ALK: variants seen among roughly 807,000 people sequenced by gnomAD.
ALK encodes the protein ALK tyrosine kinase receptor.
A neutral mutation model predicts 163.1 loss-of-function variants in ALK; 74 were observed. The ratio of observed to expected loss-of-function variants is 0.45; its 90% CI spans 0.38 to 0.55. The LOEUF is 0.55. Ranked by LOEUF, ALK falls within the 20% of genes least tolerant of loss-of-function variation. The pLI is 0.00. For synonymous variants in ALK, 960 were observed against 843.2 expected (o/e 1.14, Z -2.40); for missense variants, 2,063 against 2,105.3 (o/e 0.98, Z 0.39).
chr2:29,201,514 G>A (rs960584641), intron 26 of ALK, among the ~76,000 whole-genome samples: 3 of 152,088 alleles, frequency 2.0e-5, no homozygotes, highest in African/African-American at 4.8e-5. Context: ...GAGGCCGGGC[G>A]CTGTGGCTCA....
At chr2:29,384,187 T>C (rs568223531) in intron 4 of ALK, among the ~76,000 whole-genome samples, 1 of 152,340 alleles carries the variant, frequency 6.6e-6, no homozygotes, top group South Asian at 2.1e-4. Context: ...ATATATATAG[T>C]TGAGAAAACC....
intron 3 of ALK, among the ~76,000 whole-genome samples, chr2:29,649,570 G>T (rs556184009): frequency 1.4e-4 from 22 of 152,132 alleles, no homozygotes; most frequent in Admixed American, 1.4e-3. Flanking sequence ...TTTCTCTGGG[G>T]CATGCCAGTC....
At chr2:29,202,310 C>T (rs1669202527) in intron 26 of ALK, among the ~76,000 whole-genome samples, 1 of 152,248 alleles carries the variant, frequency 6.6e-6, no homozygotes, top group African/African-American at 2.4e-5. Context: ...ACCCCAGCTC[C>T]TCCTCTTTCT....
intron 1 of ALK, among the ~76,000 whole-genome samples, chr2:29,880,375 C>T (rs971333472): frequency 2.0e-5 from 3 of 152,166 alleles, no homozygotes; most frequent in Non-Finnish European, 2.9e-5. Context: ...AGCAGGAAGT[C>T]GGGGTGTATC....
chr2:29,512,509 G>A (rs1248566231), intron 4 of ALK, among the ~76,000 whole-genome samples: 1 of 148,398 alleles, frequency 6.7e-6, no homozygotes, highest in Admixed American at 6.8e-5. Context: ...AAAATAATAA[G>A]AGCTATCTAT....
intron 13 of ALK, among the ~76,000 whole-genome samples, chr2:29,236,733 G>A (rs915137469): frequency 6.6e-6 from 1 of 152,058 alleles, no homozygotes; most frequent in African/African-American, 2.4e-5. Flanking sequence ...CGCTTTGCTG[G>A]TTCCTCTTCT....
At chr2:29,412,134 AG>A (rs1435431271) in intron 4 of ALK, among the ~76,000 whole-genome samples, 1 of 152,226 alleles carries the variant, frequency 6.6e-6, no homozygotes, top group African/African-American at 2.4e-5. Flanking sequence ...TGGACCAAAA[AG>A]GTGCTATTTG....
In ALK at chr2:29,639,957, T is replaced by C. The variant is rs62129288; in HGVS notation, c.952+54893A>G. 3.4e-3 allele frequency among the ~76,000 whole-genome samples: 517 copies of C among 152,336 alleles called. 3 individuals are homozygous for C. Among genetic ancestry groups the C allele is most frequent in the Middle Eastern group, 0.02 (6 of 294 alleles). On this transcript the variant is annotated intron_variant, in intron 3 of 28. Transcript: ENST00000389048. ...TCTAGGAAACCTAGATCAAATGTGC[T>C]GGGTCTTGACGTTCAACTTAGGGAT...
chr2:29,453,671 A>T lies in ALK; in HGVS notation c.1155-69812T>A, dbSNP rs192372317. ...TTTGTGAATGACAGGAAGACTGAGAATGAAGAAGGAAAGATGGAATAGGAG... is the reference window on the plus strand; with the variant it reads ...TTTGTGAATGACAGGAAGACTGAGATTGAAGAAGGAAAGATGGAATAGGAG... On this transcript the variant is annotated intron_variant, in intron 4 of 28. Coordinates refer to ENST00000389048, the MANE Select transcript of ALK (RefSeq NM_004304.5). Among the ~76,000 whole-genome samples the T allele has an allele frequency of 4.6e-5, 7 of 152,324 alleles. No individual in the cohort carries two copies. The East Asian group carries it at 1.4e-3, about 29-fold the overall frequency.
At chr2:29,709,026 T>C (rs1187855668) in intron 2 of ALK, among the ~76,000 whole-genome samples, 1 of 152,244 alleles carries the variant, frequency 6.6e-6, no homozygotes, top group Non-Finnish European at 1.5e-5. Context: ...TTCTCACTCT[T>C]GATCAGTCCT....
chr2:29,282,515 G>A (rs946918974), intron 9 of ALK, among the ~76,000 whole-genome samples: 4 of 152,132 alleles, frequency 2.6e-5, no homozygotes, highest in African/African-American at 9.7e-5. Flanking sequence ...AACTGGAGAT[G>A]AGCTGGACAT....
chr2:29,900,993 G>GCA (rs1170938919), intron 1 of ALK, among the ~76,000 whole-genome samples: 4 of 143,542 alleles, frequency 2.8e-5, no homozygotes, highest in South Asian at 2.2e-4. Flanking sequence ...GAGAGAGAGA[G>GCA]AGAGCAAGCA....
At chr2:29,785,387 AAC>A (rs1424891673) in intron 1 of ALK, among the ~76,000 whole-genome samples, 1 of 152,164 alleles carries the variant, frequency 6.6e-6, no homozygotes, top group Non-Finnish European at 1.5e-5. Flanking sequence ...TGGCGATAAA[AAC>A]ACAAAATTAC....
At chr2:29,814,011 G>A (rs1664825214) in intron 1 of ALK, among the ~76,000 whole-genome samples, 1 of 152,158 alleles carries the variant, frequency 6.6e-6, no homozygotes. Flanking sequence ...AAAGTCTGGG[G>A]CCTGATTTCT....
rs1679458109 is a variant in ALK, at chr2:29,722,771, A to G, written c.668-5074T>C. Among the ~76,000 whole-genome samples the G allele has an allele frequency of 2.0e-5, 3 of 152,112 alleles. No homozygotes were observed. The South Asian group carries it at 6.2e-4, about 32-fold the overall frequency. ...ATCCAACTGCCTGCTCAAAATCTCC[A>G]CTTTATTGCCCAATAAGCATCTGAA... On this transcript the variant is annotated intron_variant, in intron 1 of 28. Transcript: ENST00000389048.
chr2:29,494,468 A>G (rs1475920529), intron 4 of ALK, among the ~76,000 whole-genome samples: 2 of 151,862 alleles, frequency 1.3e-5, no homozygotes. Context: ...AAAACAGCAA[A>G]CTTTCCCACA....
chr2:29,651,464 C>G (rs1312759576), intron 3 of ALK, among the ~76,000 whole-genome samples: 1 of 152,050 alleles, frequency 6.6e-6, no homozygotes, highest in Non-Finnish European at 1.5e-5. Context: ...TTTATCAGAC[C>G]CTTAATGCAT....
At chr2:29,636,782 G>T (rs936265070) in intron 3 of ALK, among the ~76,000 whole-genome samples, 2 of 152,132 alleles carry the variant, frequency 1.3e-5, no homozygotes, top group Non-Finnish European at 2.9e-5. Flanking sequence ...ACAGGCAAAA[G>T]ATTTAAAGGC....
At chr2:29,916,612 T>C (rs1406880690) in intron 1 of ALK, among the ~76,000 whole-genome samples, 1 of 152,224 alleles carries the variant, frequency 6.6e-6, no homozygotes, top group Non-Finnish European at 1.5e-5. Context: ...GTCAGATATA[T>C]TGCATTGCAT....
Sources: allele counts gnomAD v4.1 joint callset (sites outside exome capture counted in the v4.1 genomes callset), GRCh38; gene constraint gnomAD v4.1.1; transcripts MANE v1.5; gene names NCBI Gene and HGNC (gene_info 2026-07-23, HGNC 2026-07-21).